Variants in DNHD1 observed in about 807,000 individuals in gnomAD.
DNHD1 encodes dynein heavy chain domain-containing protein 1.
In DNHD1, 383 loss-of-function variants were observed where a neutral mutation model predicts 458.1. The observed-to-expected ratio is 0.84, with a 90% CI of 0.77 to 0.91. DNHD1 has a LOEUF of 0.91. Among genes scored for constraint, DNHD1 ranks in the 40% least tolerant of loss-of-function variants. DNHD1 has a pLI of 0.00. For missense variants in DNHD1, 5,336 were observed against 5,866.1 expected (o/e 0.91, Z 2.95); for synonymous variants, 2,203 against 2,376.9 (o/e 0.93, Z 2.13).
chr11:6,524,818 C>G (rs1852677123), intron 10 of DNHD1, among the ~76,000 whole-genome samples: 1 of 152,130 alleles, frequency 6.6e-6, no homozygotes, highest in Non-Finnish European at 1.5e-5. Flanking sequence ...TACGTACGCA[C>G]CTATAACTAA....
intron 3 of DNHD1, among the ~76,000 whole-genome samples, 170 bp from the exon 4 acceptor site, chr11:6,502,583 G>A (rs1443743226): frequency 1.3e-5 from 2 of 152,332 alleles, no homozygotes; most frequent in South Asian, 2.1e-4. Context: ...TATTTGCCCA[G>A]TATGTGGTAT....
chr11:6,569,928 G>T (rs1853800751), intron 39 of DNHD1, 81 bp from the exon 40 acceptor site: 6 of 1,234,808 alleles, frequency 4.9e-6, no homozygotes, highest in Non-Finnish European at 7.0e-6. Context: ...TCAGGAGAGA[G>T]GTTTGAACTG....
chr11:6,550,487 A>G (rs910316788), intron 24 of DNHD1, among the ~76,000 whole-genome samples: 3 of 152,210 alleles, frequency 2.0e-5, no homozygotes, highest in South Asian at 4.1e-4. Context: ...AGTGACAACC[A>G]CCAGAACATC....
chr11:6,508,922 C>T lies in DNHD1; in HGVS notation c.963C>T (p.Pro321=), dbSNP rs201807447. 7.7e-5 allele frequency: 124 copies of T among 1,614,166 alleles called. No homozygotes were observed. Among genetic ancestry groups the T allele is most frequent in the Admixed American group, 2.0e-4 (12 of 60,018 alleles). The change falls in exon 5 of 43, where the codon CCC becomes CCT. Residue 321 remains proline (P), a synonymous_variant. Transcript: ENST00000254579. ...TGGTGCCACCCGACAAGGTGAATCC[C>T]GAGCACTACATCTTCTCTCCCTTTG... ...LMVVPPDKVN[P]EHYIFSPFGI...
At position 6,567,816 on chromosome 11, in the gene DNHD1, C is replaced by T; in HGVS notation, c.12307C>T (p.His4103Tyr). Residue 4103 changes from histidine to tyrosine, a missense_variant, in exon 36 of 43, where the codon CAT (histidine) becomes TAT (tyrosine). Coordinates refer to ENST00000254579, the MANE Select transcript of DNHD1 (RefSeq NM_144666.3). Reference protein sequence around the residue: ...PPPGHPSATLHPLTVIQKLAA... With the variant: ...PPPGHPSATLYPLTVIQKLAA... ...GCCTGGCCACCCCTCAGCCACTCTGCATCCTCTGACTGTCATCCAGAAACT... is the reference window on the plus strand; with the variant it reads ...GCCTGGCCACCCCTCAGCCACTCTGTATCCTCTGACTGTCATCCAGAAACT... 6.2e-7 allele frequency: 1 copy of T among 1,613,330 alleles called. No individual in the cohort carries two copies. The highest frequency in any genetic ancestry group is 8.5e-7 in the Non-Finnish European group (1 of 1,179,884).
rs540814973 is a variant in DNHD1 at position 6,565,715 on chromosome 11, C to G, written c.10777C>G (p.Gln3593Glu). The change falls in exon 33 of 43, where the codon CAA becomes GAA. Residue 3593 changes from glutamine to glutamate, a missense_variant. Transcript: ENST00000254579. ...CCCAGGGAAAGGCCTCATGAGAAAT[C>G]AAAAGAGAGAGAGTAAAACGGACAT... ...EGRGKGLMRN[Q>E]KRESKTDMKE... The G allele has an allele frequency of 6.5e-7, 1 of 1,548,008 alleles. No individual in the cohort carries two copies. Among genetic ancestry groups the G allele is most frequent in the Non-Finnish European group, 8.7e-7 (1 of 1,146,048 alleles).
Position 6,533,807 on chromosome 11 carries a change from G to A in DNHD1, c.2632G>A (p.Val878Met). 4.5e-6 allele frequency: 7 copies of A among 1,551,462 alleles called. No homozygotes were observed. Among genetic ancestry groups the A allele is most frequent in the Non-Finnish European group, 6.1e-6 (7 of 1,146,950 alleles). ...TGAGAATGAAGCACTGGACATCTCG[G>A]TGAGAAGGCAATTCGGGGAGTCACC... Reference protein sequence around the residue: ...SAENEALDISVRRQFGESPIP... With the variant: ...SAENEALDISMRRQFGESPIP... The change falls in exon 14 of 43, where the codon GTG becomes ATG. Residue 878 changes from valine to methionine, a missense_variant. Coordinates refer to ENST00000254579, the MANE Select transcript of DNHD1 (RefSeq NM_144666.3).
chr11:6,497,982 T>C lies in DNHD1; in HGVS notation c.-234T>C. On this transcript the variant is annotated 5_prime_UTR_variant, in exon 3 of 43. Coordinates refer to ENST00000254579, the MANE Select transcript of DNHD1 (RefSeq NM_144666.3). ...CCTGAGGGTCTCAGGAAAGGCTCTC[T>C]GCTGGTCTGGCTCTGCTCTGTAGCT... 1.7e-6 allele frequency: 1 copy of C among 587,754 alleles called. No homozygotes were observed. Among genetic ancestry groups the C allele is most frequent in the Non-Finnish European group, 3.0e-6 (1 of 333,094 alleles). The allele number at this position is 587,754 out of a possible 1,614,324, so 36.4% of individuals were successfully genotyped here. A position where few individuals can be genotyped will look rare whatever the true frequency, so the allele number is the denominator to read the frequency against.
chr11:6,559,285 T>A lies in DNHD1; in HGVS notation c.9519+2T>A, dbSNP rs764235831. ...CAGCAGCTGAAAGACTCCGGCAAGG[T>A]AAGGAGATGATTTTGAGGCTTCCAT... On this transcript the variant is annotated splice_donor_variant, in intron 28 of 42. Transcript: ENST00000254579. LOFTEE classifies it high-confidence loss of function. 1 of 1,551,070 alleles carries A rather than the reference T, an allele frequency of 6.4e-7. No homozygotes were observed. Among genetic ancestry groups the A allele is most frequent in the Non-Finnish European group, 8.7e-7 (1 of 1,146,678 alleles).
chr11:6,498,483 C>T lies in DNHD1; in HGVS notation c.268C>T (p.Leu90=), dbSNP rs1324958336. ...AWRYLHAVLG[L]LPPYRELLVG... is the part of the protein sequence containing the mutation. ...GCGCTATCTTCATGCAGTACTGGGT[C>T]TACTGCCTCCATATCGTGAGTTGCT... is the stretch of plus-strand genomic sequence containing the variant. Residue 90 remains leucine (L), a synonymous_variant, in exon 3 of 43, where the codon CTA becomes TTA. Coordinates refer to ENST00000254579, the MANE Select transcript of DNHD1 (RefSeq NM_144666.3). 3 of 1,614,092 alleles carry T rather than the reference C, an allele frequency of 1.9e-6. No individual in the cohort carries two copies. Among genetic ancestry groups the T allele is most frequent in the African/African-American group, 2.7e-5 (2 of 74,936 alleles).
In DNHD1 at chr11:6,558,091, G is replaced by C; in HGVS notation, c.8796G>C (p.Trp2932Cys). 6.4e-7 allele frequency: 1 copy of C among 1,551,688 alleles called. No individual in the cohort carries two copies. Among genetic ancestry groups the C allele is most frequent in the Non-Finnish European group, 8.7e-7 (1 of 1,146,982 alleles). The stretch of plus-strand genomic sequence containing the variant: ...TCCAATGTCTACGAGATGCCAGCTG[G>C]CATGCTGGCATGTTAAGCCAGCCAG... ...AILQCLRDAS[W>C]HAGMLSQPVA... The change falls in exon 25 of 43, where the codon TGG becomes TGC. Residue 2932 changes from tryptophan (W) to cysteine (C), a missense_variant. Transcript: ENST00000254579.
chr11:6,570,523 G>T, intron 41 of DNHD1, 95 bp from the exon 42 acceptor site: 1 of 1,480,142 alleles, frequency 6.8e-7, no homozygotes, highest in Non-Finnish European at 9.0e-7. Context: ...TGTTATGGGG[G>T]TGATGGCAGT....
Position 6,557,259 on chromosome 11 carries a change from T to C in DNHD1, c.7964T>C (p.Phe2655Ser). Residue 2655 changes from phenylalanine to serine, a missense_variant, in exon 25 of 43, where the codon TTT becomes TCT. This residue lies in a region of DNHD1 where 3,932 missense variants were observed against 4,365.6 expected (regional missense o/e 0.90). Coordinates refer to ENST00000254579, the MANE Select transcript of DNHD1 (RefSeq NM_144666.3). ...RLWLHEAQRT[F>S]CDRLDSPRER... ...TGGTTGCATGAGGCACAGAGAACCTTTTGCGACCGGCTGGACAGCCCCAGG... is the reference window on the plus strand; with the variant it reads ...TGGTTGCATGAGGCACAGAGAACCTCTTGCGACCGGCTGGACAGCCCCAGG... 1.9e-6 allele frequency: 3 copies of C among 1,551,552 alleles called. No individual in the cohort carries two copies. Among genetic ancestry groups the C allele is most frequent in the Non-Finnish European group, 2.6e-6 (3 of 1,146,978 alleles).
At chr11:6,506,355 G>T (rs1346901759) in intron 4 of DNHD1, among the ~76,000 whole-genome samples, 1 of 152,164 alleles carries the variant, frequency 6.6e-6, no homozygotes, top group Non-Finnish European at 1.5e-5. Context: ...CGACCCAAAG[G>T]CTGGGGGATT....
At chr11:6,569,690 T>A (rs911574576) in intron 39 of DNHD1, among the ~76,000 whole-genome samples, 1 of 151,512 alleles carries the variant, frequency 6.6e-6, no homozygotes, top group African/African-American at 2.4e-5. Context: ...AGGGAAGAGA[T>A]TGTGGTATGG....
At position 6,571,831 on chromosome 11, in the gene DNHD1, A is replaced by ACTCGTGTC; in HGVS notation, c.14109_14110insCGTGTCCT (p.Val4704ArgfsTer26). ...TGACCTGCCAGCCCCAGCCGACCTGACTGTGTACTCGTGTCCTGTGTACAT... is the reference window on the plus strand; with the variant it reads ...TGACCTGCCAGCCCCAGCCGACCTGACTCGTGTCCTGTGTACTCGTGTCCTGTGTACAT... On this transcript the variant is annotated frameshift_variant, in exon 43 of 43. Coordinates refer to ENST00000254579, the MANE Select transcript of DNHD1 (RefSeq NM_144666.3). LOFTEE classifies it high-confidence loss of function. This position sits in a 1 kb window ranked among gnomAD's most constrained non-coding sequence, Gnocchi z 5.0. The ACTCGTGTC allele has an allele frequency of 6.2e-7, 1 of 1,613,928 alleles. No individual in the cohort carries two copies. Among genetic ancestry groups the ACTCGTGTC allele is most frequent in the South Asian group, 1.1e-5 (1 of 91,082 alleles).
intron 10 of DNHD1, among the ~76,000 whole-genome samples, chr11:6,528,293 T>TA (rs1176439680): frequency 6.6e-6 from 1 of 152,174 alleles, no homozygotes; most frequent in East Asian, 1.9e-4. Context: ...CTAGCTAGAG[T>TA]AAATTATGTT....
At chr11:6,511,792 T>G (rs1474399415) in intron 7 of DNHD1, among the ~76,000 whole-genome samples, 2 of 152,232 alleles carry the variant, frequency 1.3e-5, no homozygotes, top group African/African-American at 4.8e-5. Context: ...GAACCTATCT[T>G]GAACCTTTGG....
In DNHD1 at chr11:6,544,821, G is replaced by A. The variant is rs998285670; in HGVS notation, c.3882G>A (p.Gln1294=). 5 of 1,551,586 alleles carry A rather than the reference G, an allele frequency of 3.2e-6. No homozygotes were observed. The highest frequency in any genetic ancestry group is 2.7e-5 in the African/African-American group (2 of 73,064). The part of the protein sequence containing the change: ...LNSRFKVMDD[Q]YRTLMRISVA... Reference sequence around the variant, plus strand: ...CTCGTTTCAAGGTCATGGATGACCAGTATCGAACCCTGATGCGCATCTCTG... The same window carrying A: ...CTCGTTTCAAGGTCATGGATGACCAATATCGAACCCTGATGCGCATCTCTG... The change falls in exon 21 of 43, where the codon CAG becomes CAA. Residue 1294 remains glutamine, a synonymous_variant. Coordinates refer to ENST00000254579, the MANE Select transcript of DNHD1 (RefSeq NM_144666.3).
Sources: allele counts gnomAD v4.1 joint callset (sites outside exome capture counted in the v4.1 genomes callset), GRCh38; gene constraint gnomAD v4.1.1; regional missense constraint gnomAD v4.1.1; non-coding constraint Gnocchi (gnomAD v3.1); transcripts MANE v1.5; gene names NCBI Gene and HGNC (gene_info 2026-07-23, HGNC 2026-07-21).